The following ENOX2 variants were observed in gnomAD, a reference collection of about 807,000 sequenced individuals.
ENOX2 encodes APK1 antigen.
In ENOX2, 36 loss-of-function variants were observed where a neutral mutation model predicts 45.0. The ratio of observed to expected loss-of-function variants is 0.80; its 90% CI spans 0.61 to 1.06. The LOEUF (loss-of-function observed/expected upper bound fraction) is 1.06, where lower values mean the gene tolerates loss of function less well. Ranked by LOEUF, ENOX2 falls within the 50% of genes least tolerant of loss-of-function variation. ENOX2 has a pLI of 0.00. For synonymous variants in ENOX2, 174 were observed against 152.3 expected, an observed-to-expected ratio of 1.14 and a Z score of -1.05; for missense variants, 423 against 462.5, an observed-to-expected ratio of 0.91 and a Z score of 0.78.
At chrX:130,689,107 CTTTCTAA>C (rs1167694274) in intron 4 of ENOX2, 89 bp from the exon 5 acceptor site, 1 of 774,610 alleles carries the variant, frequency 1.3e-6, no homozygotes, top group Non-Finnish European at 1.8e-6. Context: ...AATCAAAGGC[CTTTCTAA>C]GACAGAGGCA....
chrX:130,804,044 G>C (rs765122000), intron 2 of ENOX2, among the ~76,000 whole-genome samples: 1 of 111,359 alleles, frequency 9.0e-6, no homozygotes, highest in South Asian at 3.8e-4. Flanking sequence ...AGCACTAACA[G>C]GTAGCAAAAT....
intron 2 of ENOX2, among the ~76,000 whole-genome samples, chrX:130,842,601 CTT>C (rs749946970): frequency 3.4e-4 from 38 of 111,818 alleles, no homozygotes; most frequent in Non-Finnish European, 6.4e-4. Flanking sequence ...CACTGAGACT[CTT>C]TGTTGCTAAA....
chrX:130,735,305 T>C (rs1269275381), intron 3 of ENOX2, among the ~76,000 whole-genome samples: 1 of 112,349 alleles, frequency 8.9e-6, no homozygotes, highest in Non-Finnish European at 1.9e-5. Flanking sequence ...CCAGTTTCCT[T>C]TGGGCCATTA....
At chrX:130,896,043 T>C (rs1011446856) in intron 2 of ENOX2, among the ~76,000 whole-genome samples, 8 of 112,550 alleles carry the variant, frequency 7.1e-5, no homozygotes, top group African/African-American at 2.6e-4. Flanking sequence ...TAAGTCTGTT[T>C]TGATCTTCAA....
chrX:130,631,695 A>G (rs2035731090), intron 12 of ENOX2, 119 bp from the exon 13 acceptor site: 2 of 409,938 alleles, frequency 4.9e-6, no homozygotes, highest in Admixed American at 3.5e-5. Flanking sequence ...TTCAATTTGG[A>G]TTACTGAATG....
At chrX:130,874,380 A>G (rs777403270) in intron 2 of ENOX2, among the ~76,000 whole-genome samples, 4 of 112,363 alleles carry the variant, frequency 3.6e-5, no homozygotes, top group Non-Finnish European at 5.6e-5. Context: ...AAAGGGCAAA[A>G]GCCAATAAGC....
At chrX:130,756,510 C>A (rs978609279) in intron 3 of ENOX2, among the ~76,000 whole-genome samples, 4 of 111,885 alleles carry the variant, frequency 3.6e-5, no homozygotes, top group Non-Finnish European at 7.5e-5. Flanking sequence ...TGTAACTGGC[C>A]TCTGAATACT....
chrX:130,794,919 T>G (rs1330329418), intron 2 of ENOX2, among the ~76,000 whole-genome samples: 1 of 112,298 alleles, frequency 8.9e-6, no homozygotes, highest in Non-Finnish European at 1.9e-5. Context: ...AGTTTGTGGT[T>G]TAGCATTCCC....
chrX:130,739,842 T>G (rs768023218), intron 3 of ENOX2, among the ~76,000 whole-genome samples: 3 of 112,340 alleles, frequency 2.7e-5, no homozygotes, highest in Non-Finnish European at 5.6e-5. Flanking sequence ...GTCAGGAATA[T>G]AGGTTAAAGA....
At chrX:130,814,214 G>C (rs1438386970) in intron 2 of ENOX2, among the ~76,000 whole-genome samples, 1 of 112,414 alleles carries the variant, frequency 8.9e-6, no homozygotes, top group Non-Finnish European at 1.9e-5. Flanking sequence ...TCTGGGAAAG[G>C]CATCTCTGAA....
chrX:130,882,190 A>G (rs1380486324), intron 2 of ENOX2, among the ~76,000 whole-genome samples: 1 of 110,782 alleles, frequency 9.0e-6, no homozygotes, highest in Non-Finnish European at 1.9e-5. Flanking sequence ...GAGCTTGAAA[A>G]TTTGGGGTGT....
chrX:130,632,142 A>G (rs1037035197), intron 12 of ENOX2, among the ~76,000 whole-genome samples: 1 of 110,963 alleles, frequency 9.0e-6, no homozygotes, highest in Admixed American at 9.7e-5. Context: ...TTTTTGAACT[A>G]AAAATTAGAG....
At chrX:130,636,293 G>A (rs1159208010) in intron 11 of ENOX2, among the ~76,000 whole-genome samples, 1 of 112,556 alleles carries the variant, frequency 8.9e-6, no homozygotes, top group Non-Finnish European at 1.9e-5. Context: ...ATTACTTGTC[G>A]TATAGGAAGA....
At chrX:130,625,656 G>C (rs1253201693) in intron 14 of ENOX2, among the ~76,000 whole-genome samples, 1 of 111,536 alleles carries the variant, frequency 9.0e-6, no homozygotes, top group East Asian at 2.8e-4. Context: ...AGGGTCTGCT[G>C]AGTTGCTATT....
chrX:130,894,625 C>T (rs769212403), intron 2 of ENOX2, among the ~76,000 whole-genome samples: 31 of 110,339 alleles, frequency 2.8e-4, no homozygotes, highest in Admixed American at 6.7e-4. Flanking sequence ...CTTTTCCCCC[C>T]ATGAAGTCCA....
intron 3 of ENOX2, among the ~76,000 whole-genome samples, chrX:130,723,769 T>C (rs2148277881): frequency 8.9e-6 from 1 of 111,908 alleles, no homozygotes; most frequent in Admixed American, 9.5e-5. Context: ...GATGTTCTCT[T>C]GTACCATAGA....
intron 2 of ENOX2, among the ~76,000 whole-genome samples, chrX:130,851,922 TG>T (rs2078218811): frequency 8.9e-6 from 1 of 112,220 alleles, no homozygotes; most frequent in South Asian, 3.7e-4. Flanking sequence ...CTGGGGCAGC[TG>T]GCCAAACTGT....
chrX:130,830,363 T>C (rs5977384), intron 2 of ENOX2, among the ~76,000 whole-genome samples: 7,213 of 111,345 alleles, frequency 0.065, 343 homozygotes, highest in African/African-American at 0.17. Context: ...ATCTTCATTG[T>C]TATCTTCAAT....
At chrX:130,784,001 T>C (rs1275808486) in intron 2 of ENOX2, among the ~76,000 whole-genome samples, 1 of 112,037 alleles carries the variant, frequency 8.9e-6, no homozygotes, top group Admixed American at 9.5e-5. Context: ...GGACCCACTG[T>C]TCCTTGTAAA....
Sources: allele counts gnomAD v4.1 joint callset (sites outside exome capture counted in the v4.1 genomes callset), GRCh38; gene constraint gnomAD v4.1.1; transcripts MANE v1.5; gene names NCBI Gene and HGNC (gene_info 2026-07-23, HGNC 2026-07-21).